Variants in GULP1 observed in about 807,000 individuals in gnomAD.
GULP1 encodes PTB domain-containing engulfment adapter protein 1.
A neutral mutation model predicts 40.9 loss-of-function variants in GULP1; 19 were observed. The observed-to-expected ratio is 0.46, with a 90% CI of 0.32 to 0.68. GULP1 has a LOEUF of 0.68. Ranked by LOEUF, GULP1 falls within the 30% of genes least tolerant of loss-of-function variation. The pLI, the probability that GULP1 is intolerant of heterozygous loss-of-function variation, is 0.03. For synonymous variants in GULP1, 119 were observed against 117.6 expected (o/e 1.01, Z -0.08); for missense variants, 312 against 362.2 (o/e 0.86, Z 1.12).
At chr2:188,470,046 T>C (rs2060458906) in intron 2 of GULP1, among the ~76,000 whole-genome samples, 1 of 152,170 alleles carries the variant, frequency 6.6e-6, no homozygotes, top group Non-Finnish European at 1.5e-5. Flanking sequence ...TTTATCTGGT[T>C]TTAGAGTCAA....
intron 1 of GULP1, among the ~76,000 whole-genome samples, chr2:188,369,384 A>T (rs537926067): frequency 2.8e-5 from 4 of 144,574 alleles, no homozygotes; most frequent in Non-Finnish European, 6.1e-5. Context: ...GATTCTTTTG[A>T]TTGCAAGAAA....
At chr2:188,459,563 G>C (rs982737976) in intron 2 of GULP1, among the ~76,000 whole-genome samples, 1 of 151,966 alleles carries the variant, frequency 6.6e-6, no homozygotes, top group Non-Finnish European at 1.5e-5. Flanking sequence ...ATATATTCTG[G>C]TTATTAATCC....
At chr2:188,415,441 G>T (rs2054452088) in intron 2 of GULP1, among the ~76,000 whole-genome samples, 1 of 151,944 alleles carries the variant, frequency 6.6e-6, no homozygotes, top group Non-Finnish European at 1.5e-5. Flanking sequence ...AATTCCTGGG[G>T]GTTAGTTTTT....
chr2:188,490,271 AT>A (rs1386623733), intron 4 of GULP1, among the ~76,000 whole-genome samples: 7 of 152,280 alleles, frequency 4.6e-5, no homozygotes, highest in Admixed American at 3.9e-4. Context: ...TAGTAGCAAA[AT>A]TAGGTGTTGA....
chr2:188,515,732 C>T (rs1363194511), intron 4 of GULP1, among the ~76,000 whole-genome samples: 3 of 151,858 alleles, frequency 2.0e-5, no homozygotes, highest in Non-Finnish European at 4.4e-5. Flanking sequence ...CACACACACA[C>T]ACTCATGAGG....
intron 2 of GULP1, among the ~76,000 whole-genome samples, chr2:188,404,883 A>T (rs1019953681): frequency 6.6e-6 from 1 of 151,938 alleles, no homozygotes; most frequent in African/African-American, 2.4e-5. Flanking sequence ...CTGGCATCAG[A>T]TCAGCACCCT....
chr2:188,463,409 T>C (rs1043274986), intron 2 of GULP1, among the ~76,000 whole-genome samples: 11 of 152,192 alleles, frequency 7.2e-5, no homozygotes, highest in African/African-American at 2.7e-4. Flanking sequence ...TTTTCTGTTA[T>C]TTGTTTCTTT....
intron 1 of GULP1, among the ~76,000 whole-genome samples, chr2:188,337,144 A>G (rs943578321): frequency 1.4e-5 from 2 of 144,236 alleles, no homozygotes; most frequent in South Asian, 2.2e-4. Context: ...ATATCTATCT[A>G]TATATTTTTT....
intron 4 of GULP1, among the ~76,000 whole-genome samples, chr2:188,517,140 ATAT>A (rs1165327130): frequency 2.0e-5 from 3 of 152,102 alleles, no homozygotes; most frequent in East Asian, 1.9e-4. Context: ...TTAACAGATA[ATAT>A]TGTATGTTTT....
chr2:188,481,123 G>A (rs1244288105), intron 3 of GULP1, among the ~76,000 whole-genome samples: 12 of 151,748 alleles, frequency 7.9e-5, no homozygotes, highest in Admixed American at 7.9e-4. Context: ...TTGAAATGTT[G>A]GCATTTTCCT....
chr2:188,533,796 A>G (rs1688184590), intron 6 of GULP1, among the ~76,000 whole-genome samples: 1 of 152,180 alleles, frequency 6.6e-6, no homozygotes, highest in Non-Finnish European at 1.5e-5. Context: ...AAAAATAATA[A>G]TAACCCGATT....
At chr2:188,558,654 G>GGACTTCCTGGAGACTTGTT (rs1695473578) in intron 7 of GULP1, among the ~76,000 whole-genome samples, 1 of 152,172 alleles carries the variant, frequency 6.6e-6, no homozygotes. Flanking sequence ...GGAAAGTTTA[G>GGACTTCCTGGAGACTTGTT]GACTTCCTGG....
At chr2:188,498,828 C>G (rs1430602734) in intron 4 of GULP1, among the ~76,000 whole-genome samples, 1 of 151,622 alleles carries the variant, frequency 6.6e-6, no homozygotes, top group East Asian at 1.9e-4. Context: ...CTATGTACTC[C>G]ATGAATATGT....
intron 9 of GULP1, among the ~76,000 whole-genome samples, chr2:188,581,913 T>C (rs1333701792): frequency 6.6e-6 from 1 of 152,174 alleles, no homozygotes; most frequent in African/African-American, 2.4e-5. Flanking sequence ...TAATCCCTTT[T>C]GAAAATTCTA....
intron 7 of GULP1, among the ~76,000 whole-genome samples, chr2:188,564,236 G>A (rs993302933): frequency 4.6e-5 from 7 of 151,824 alleles, no homozygotes; most frequent in African/African-American, 7.2e-5. Flanking sequence ...CCTATTTAAC[G>A]TGGTATTAGG....
At chr2:188,317,137 G>A (rs1418476079) in intron 1 of GULP1, among the ~76,000 whole-genome samples, 2 of 152,124 alleles carry the variant, frequency 1.3e-5, no homozygotes, top group South Asian at 2.1e-4. Flanking sequence ...CCCCCATGAT[G>A]TATGTAGCCC....
intron 2 of GULP1, among the ~76,000 whole-genome samples, chr2:188,422,230 T>G (rs2055535663): frequency 6.6e-6 from 1 of 151,686 alleles, no homozygotes; most frequent in Non-Finnish European, 1.5e-5. Context: ...CAGCCTGAGA[T>G]TCATAATTTT....
At chr2:188,565,255 T>C (rs72896879) in intron 7 of GULP1, among the ~76,000 whole-genome samples, 1,810 of 152,010 alleles carry the variant, frequency 0.012, 14 homozygotes, top group East Asian at 0.02. Flanking sequence ...ATCAGCAAAC[T>C]GAAAAAGCAA....
intron 6 of GULP1, among the ~76,000 whole-genome samples, chr2:188,535,083 TTAAAG>T (rs1688577916): frequency 6.6e-6 from 1 of 151,188 alleles, no homozygotes. Context: ...TTATTTAATA[TTAAAG>T]TAATTATTTA....
Sources: allele counts gnomAD v4.1 joint callset (sites outside exome capture counted in the v4.1 genomes callset), GRCh38; gene constraint gnomAD v4.1.1; transcripts MANE v1.5; gene names NCBI Gene and HGNC (gene_info 2026-07-23, HGNC 2026-07-21).